IGSF5: variants seen among roughly 807,000 people sequenced by gnomAD.
IGSF5 encodes the protein immunoglobulin superfamily member 5.
A neutral mutation model predicts 39.4 loss-of-function variants in IGSF5; 41 were observed. That is an observed-to-expected ratio of 1.04 (90% CI 0.81 to 1.35). The LOEUF (loss-of-function observed/expected upper bound fraction) is 1.35. IGSF5 is among the 40% of genes most tolerant of loss of function. The probability of loss-of-function intolerance (pLI) is 0.00; values close to 1 mark genes in which losing one functional copy is unlikely to be tolerated. For missense variants in IGSF5, 487 were observed against 494.6 expected, an observed-to-expected ratio of 0.98 and a Z score of 0.15; for synonymous variants, 183 against 175.3, an observed-to-expected ratio of 1.04 and a Z score of -0.34.
the IGSF5 span, among the ~76,000 whole-genome samples, chr21:39,721,338 C>G: frequency 6.6e-6 from 1 of 152,120 alleles, no homozygotes; most frequent in African/African-American, 2.4e-5. Flanking sequence ...AGGTACAGCC[C>G]CCTACAAAGT....
chr21:39,715,697 T>C, the IGSF5 span, among the ~76,000 whole-genome samples: 3 of 152,364 alleles, frequency 2.0e-5, no homozygotes, highest in East Asian at 1.9e-4. Flanking sequence ...CAGAGTGTTA[T>C]GGCTAATTTT....
chr21:39,776,715 T>C (rs1427371215), intron 4 of IGSF5, among the ~76,000 whole-genome samples: 2 of 152,166 alleles, frequency 1.3e-5, no homozygotes, highest in Non-Finnish European at 2.9e-5. Flanking sequence ...TATGTCCAGA[T>C]TCAGGAAGTT....
At chr21:39,733,481 T>C in the IGSF5 span, among the ~76,000 whole-genome samples, 1 of 152,228 alleles carries the variant, frequency 6.6e-6, no homozygotes, top group Non-Finnish European at 1.5e-5. Context: ...CTTTAAATAA[T>C]TGGCAGTACA....
At chr21:39,720,905 A>G in the IGSF5 span, among the ~76,000 whole-genome samples, 13 of 152,196 alleles carry the variant, frequency 8.5e-5, no homozygotes, top group Admixed American at 3.3e-4. Flanking sequence ...TTTAACAACA[A>G]CAAAAAATCA....
chr21:39,763,531 G>A (rs1040122745), intron 2 of IGSF5, among the ~76,000 whole-genome samples: 1 of 152,226 alleles, frequency 6.6e-6, no homozygotes, highest in African/African-American at 2.4e-5. Flanking sequence ...GGCCTCCGGG[G>A]TACATAAAGA....
At chr21:39,756,852 A>G (rs959068686) in intron 2 of IGSF5, among the ~76,000 whole-genome samples, 1 of 152,084 alleles carries the variant, frequency 6.6e-6, no homozygotes, top group Non-Finnish European at 1.5e-5. Flanking sequence ...CCAAGAGGGC[A>G]TCAAAGAACA....
chr21:39,772,122 C>T (rs1284747274), intron 4 of IGSF5, among the ~76,000 whole-genome samples: 1 of 152,172 alleles, frequency 6.6e-6, no homozygotes, highest in Non-Finnish European at 1.5e-5. Flanking sequence ...TAGCTCTTAC[C>T]AAGTTATCAG....
intron 2 of IGSF5, among the ~76,000 whole-genome samples, chr21:39,750,577 A>C (rs1229432710): frequency 6.6e-6 from 1 of 151,054 alleles, no homozygotes; most frequent in Non-Finnish European, 1.5e-5. Context: ...AGTCTTCCAG[A>C]ACTGTCACAG....
chr21:39,734,374 G>A, the IGSF5 span, among the ~76,000 whole-genome samples: 1 of 146,398 alleles, frequency 6.8e-6, no homozygotes, highest in East Asian at 2.0e-4. Flanking sequence ...AGTGAGCCGA[G>A]ATCATGCCAC....
At chr21:39,735,980 A>G in the IGSF5 span, among the ~76,000 whole-genome samples, 1 of 152,248 alleles carries the variant, frequency 6.6e-6, no homozygotes, top group Non-Finnish European at 1.5e-5. Context: ...ACCTGAAGAT[A>G]AAAGGCAAAC....
chr21:39,733,413 G>A, the IGSF5 span, among the ~76,000 whole-genome samples: 3 of 152,152 alleles, frequency 2.0e-5, no homozygotes, highest in East Asian at 1.9e-4. Flanking sequence ...ACACATAGGT[G>A]TCCAAGTAAA....
At chr21:39,772,830 G>A (rs562633117) in intron 4 of IGSF5, among the ~76,000 whole-genome samples, 2 of 152,198 alleles carry the variant, frequency 1.3e-5, no homozygotes, top group African/African-American at 2.4e-5. Context: ...TTTCATTGGC[G>A]TAAGTTTGAC....
At chr21:39,763,526 C>G (rs1489949975) in intron 2 of IGSF5, among the ~76,000 whole-genome samples, 1 of 152,182 alleles carries the variant, frequency 6.6e-6, no homozygotes, top group Non-Finnish European at 1.5e-5. Context: ...CGTGTGGCCT[C>G]CGGGGTACAT....
At chr21:39,775,463 G>A (rs1032234646) in intron 4 of IGSF5, among the ~76,000 whole-genome samples, 61 of 152,190 alleles carry the variant, frequency 4.0e-4, no homozygotes, top group African/African-American at 1.5e-3. Flanking sequence ...GGCACGTGTT[G>A]GTGGTGACAT....
chr21:39,776,207 G>T (rs201459700), intron 4 of IGSF5, among the ~76,000 whole-genome samples: 1 of 150,362 alleles, frequency 6.7e-6, no homozygotes, highest in East Asian at 2.0e-4. Context: ...TATGTGTATA[G>T]ATATAAAATA....
intron 6 of IGSF5, among the ~76,000 whole-genome samples, chr21:39,790,908 A>G (rs2086960363): frequency 6.6e-6 from 1 of 152,230 alleles, no homozygotes; most frequent in African/African-American, 2.4e-5. Context: ...TAGCATTTAC[A>G]TTGTATTAGG....
intron 1 of IGSF5, among the ~76,000 whole-genome samples, chr21:39,745,910 T>TTAC (rs1252841890): frequency 6.6e-6 from 1 of 151,488 alleles, no homozygotes; most frequent in Non-Finnish European, 1.5e-5. Context: ...TGCCAAAATG[T>TTAC]TACGGGGGGT....
chr21:39,776,592 T>C (rs1231672630), intron 4 of IGSF5, among the ~76,000 whole-genome samples: 2 of 152,164 alleles, frequency 1.3e-5, no homozygotes, highest in African/African-American at 4.8e-5. Context: ...CAGTCACCAT[T>C]CCCAGCAAAG....
At chr21:39,715,108 CCTTT>C in the IGSF5 span, among the ~76,000 whole-genome samples, 3 of 151,384 alleles carry the variant, frequency 2.0e-5, no homozygotes, top group Non-Finnish European at 4.4e-5. Context: ...CCCTTCTCTT[CCTTT>C]CTTTCTTTTC....
Sources: allele counts gnomAD v4.1 joint callset (sites outside exome capture counted in the v4.1 genomes callset), GRCh38; gene constraint gnomAD v4.1.1; transcripts MANE v1.5; gene names NCBI Gene and HGNC (gene_info 2026-07-23, HGNC 2026-07-21).